The following PLXNA4 variants were observed in gnomAD, a reference collection of about 807,000 sequenced individuals.
PLXNA4 encodes plexin A4, also known as plexin-A4.
Under a neutral mutation model 191.8 loss-of-function variants are expected in PLXNA4, and 44 were observed. That is an observed-to-expected ratio of 0.23 (90% CI 0.18 to 0.29). The LOEUF (loss-of-function observed/expected upper bound fraction) is 0.29. Among genes scored for constraint, PLXNA4 ranks in the 10% least tolerant of loss-of-function variants. The probability of loss-of-function intolerance (pLI) is 1.00; values close to 1 mark genes in which losing one functional copy is unlikely to be tolerated. For missense variants in PLXNA4, 1,800 were observed against 2,488.8 expected (o/e 0.72, Z 5.89); for synonymous variants, 1,082 against 1,009.5 (o/e 1.07, Z -1.36).
At chr7:132,541,185 T>C (rs1800064859) in intron 1 of PLXNA4, among the ~76,000 whole-genome samples, 1 of 152,158 alleles carries the variant, frequency 6.6e-6, no homozygotes, top group South Asian at 2.1e-4. Flanking sequence ...AAGTTGGCCA[T>C]TTCCCCTAAC....
At chr7:132,545,005 T>C (rs1478798464) in intron 1 of PLXNA4, among the ~76,000 whole-genome samples, 1 of 152,262 alleles carries the variant, frequency 6.6e-6, no homozygotes, top group African/African-American at 2.4e-5. Context: ...ACAACCTGTT[T>C]GCTTTTCATT....
intron 2 of PLXNA4, among the ~76,000 whole-genome samples, chr7:132,494,615 T>A (rs535805472): frequency 1.4e-4 from 21 of 152,296 alleles, no homozygotes; most frequent in African/African-American, 4.3e-4. Flanking sequence ...TGTGGGGAGC[T>A]GGAGCTGACA....
chr7:132,521,930 A>G (rs1365003806), intron 1 of PLXNA4, among the ~76,000 whole-genome samples: 1 of 152,166 alleles, frequency 6.6e-6, no homozygotes, highest in Non-Finnish European at 1.5e-5. Context: ...AGAAAGGAGC[A>G]TGTTGGTAGA....
chr7:132,447,681 C>T (rs1795960811), intron 3 of PLXNA4, among the ~76,000 whole-genome samples: 1 of 152,104 alleles, frequency 6.6e-6, no homozygotes, highest in Non-Finnish European at 1.5e-5. Context: ...GGAAGGTGAG[C>T]ATCTCTCCTA....
intron 3 of PLXNA4, among the ~76,000 whole-genome samples, chr7:132,447,885 C>T (rs1049243746): frequency 1.3e-5 from 2 of 151,914 alleles, no homozygotes; most frequent in Non-Finnish European, 2.9e-5. Flanking sequence ...GTGGTGTGTG[C>T]CTCTGGTCCC....
At chr7:132,586,163 A>G (rs1324513199) in intron 2 of PLXNA4, among the ~76,000 whole-genome samples, 1 of 152,220 alleles carries the variant, frequency 6.6e-6, no homozygotes, top group South Asian at 2.1e-4. Flanking sequence ...AACATGAAGG[A>G]CGGTTTTCTT....
chr7:132,387,570 A>G (rs1156869156), intron 3 of PLXNA4, among the ~76,000 whole-genome samples: 1 of 152,236 alleles, frequency 6.6e-6, no homozygotes, highest in Non-Finnish European at 1.5e-5. Context: ...TATGGTTCAG[A>G]AGCCACCAGA....
chr7:132,180,568 G>A lies in PLXNA4; in HGVS notation c.3639+18C>T. 6.2e-7 allele frequency: 1 copy of A among 1,614,070 alleles called. No individual in the cohort carries two copies. Among genetic ancestry groups the A allele is most frequent in the Non-Finnish European group, 8.5e-7 (1 of 1,179,952 alleles). On this transcript the variant is annotated intron_variant, in intron 19 of 31. Coordinates refer to ENST00000321063, the MANE Select transcript of PLXNA4 (RefSeq NM_020911.2). ...CCTACTGCCCGCTCCATCCAGGATG[G>A]GGTTCTGCCAGCCTCACCATCACTT...
At chr7:132,477,938 C>A (rs1392846922) in intron 3 of PLXNA4, among the ~76,000 whole-genome samples, 1 of 152,156 alleles carries the variant, frequency 6.6e-6, no homozygotes, top group African/African-American at 2.4e-5. Flanking sequence ...GAAAATAATT[C>A]TCCATTTTAG....
intron 1 of PLXNA4, among the ~76,000 whole-genome samples, chr7:132,573,166 C>T (rs1802057484): frequency 6.6e-6 from 1 of 152,136 alleles, no homozygotes; most frequent in East Asian, 1.9e-4. Flanking sequence ...AGGGTCTGAG[C>T]CAGTTTCACA....
Position 132,355,081 on chromosome 7 carries a change from C to A in PLXNA4, c.1372-56859G>T, listed in dbSNP as rs142305694. ...AGAGCCAGATGCCCCCTCTTCCTGCCTCTAGTGGTCAGGGCCCTGGGCTGG... is the reference window on the plus strand; with the variant it reads ...AGAGCCAGATGCCCCCTCTTCCTGCATCTAGTGGTCAGGGCCCTGGGCTGG... On this transcript the variant is annotated intron_variant, in intron 3 of 31. Transcript: ENST00000321063. 3.5e-3 allele frequency among the ~76,000 whole-genome samples: 537 copies of A among 152,312 alleles called. 2 individuals carry two copies. The highest frequency in any genetic ancestry group is 0.013 in the African/African-American group (521 of 41,568).
intron 2 of PLXNA4, among the ~76,000 whole-genome samples, chr7:132,615,397 G>T (rs952130271): frequency 2.0e-5 from 3 of 152,134 alleles, no homozygotes; most frequent in African/African-American, 7.2e-5. Flanking sequence ...TGCAGCCCCC[G>T]CCCCTGGCGG....
intron 3 of PLXNA4, among the ~76,000 whole-genome samples, chr7:132,392,658 T>C (rs1178654703): frequency 6.6e-6 from 1 of 152,240 alleles, no homozygotes; most frequent in African/African-American, 2.4e-5. Context: ...CGCGCATTGC[T>C]GTATGCCCTG....
intron 3 of PLXNA4, among the ~76,000 whole-genome samples, chr7:132,477,719 G>C (rs1330415085): frequency 6.6e-6 from 1 of 152,100 alleles, no homozygotes; most frequent in Non-Finnish European, 1.5e-5. Flanking sequence ...AGTTTAATTG[G>C]AAGAAGGTAT....
At position 132,507,798 on chromosome 7, in the gene PLXNA4, C is replaced by A. The variant is rs373905694; in HGVS notation, c.896G>T (p.Gly299Val). The A allele has an allele frequency of 3.7e-6, 6 of 1,614,168 alleles. No individual in the cohort carries two copies. The Admixed American group carries it at 6.7e-5, about 18-fold the overall frequency. Residue 299 changes from glycine (G) to valine (V), a missense_variant, in exon 2 of 32, where the codon GGC becomes GTC. Transcript: ENST00000321063. ...GTACTCCACCCCACTGCGCTCACAG[C>A]CAATGGGCACCTCTACATAGGAGTT... ...AFNSYVEVPI[G>V]CERSGVEYRL...
intron 9 of PLXNA4, among the ~76,000 whole-genome samples, chr7:132,215,857 C>T (rs1289121926): frequency 6.6e-6 from 1 of 152,202 alleles, no homozygotes; most frequent in Admixed American, 6.5e-5. Flanking sequence ...GTAGGCACTG[C>T]TGCATCTGGC....
At chr7:132,150,272 T>C (rs1192868542) in intron 25 of PLXNA4, among the ~76,000 whole-genome samples, 1 of 152,202 alleles carries the variant, frequency 6.6e-6, no homozygotes, top group Non-Finnish European at 1.5e-5. Flanking sequence ...GTTGTTTTTT[T>C]CTTCAGTTTT....
intron 4 of PLXNA4, among the ~76,000 whole-genome samples, chr7:132,264,643 G>C (rs1193888294): frequency 6.6e-6 from 1 of 150,948 alleles, no homozygotes; most frequent in East Asian, 2.0e-4. Context: ...TCTACTCTTT[G>C]GGCATCATTT....
intron 3 of PLXNA4, among the ~76,000 whole-genome samples, chr7:132,301,129 G>A (rs1168606079): frequency 6.6e-6 from 1 of 152,188 alleles, no homozygotes; most frequent in Non-Finnish European, 1.5e-5. Flanking sequence ...CGAGAAATAT[G>A]TAACTGGAAA....
Sources: allele counts gnomAD v4.1 joint callset (sites outside exome capture counted in the v4.1 genomes callset), GRCh38; gene constraint gnomAD v4.1.1; transcripts MANE v1.5; gene names NCBI Gene and HGNC (gene_info 2026-07-23, HGNC 2026-07-21).